Variants in HCFC2 observed in about 807,000 individuals in gnomAD.
HCFC2 encodes host cell factor 2.
A neutral mutation model predicts 89.2 loss-of-function variants in HCFC2; 18 were observed. The observed-to-expected ratio is 0.20, with a 90% confidence interval of 0.14 to 0.30. The LOEUF is 0.30. Ranked by LOEUF, HCFC2 falls within the 10% of genes least tolerant of loss-of-function variation. The pLI is 1.00. For missense variants in HCFC2, 578 were observed against 956.1 expected (o/e 0.60, Z 5.21); for synonymous variants, 308 against 335.7 (o/e 0.92, Z 0.90).
chr12:104,088,899 G>A (rs1042262519), intron 9 of HCFC2, among the ~76,000 whole-genome samples: 4 of 152,138 alleles, frequency 2.6e-5, no homozygotes, highest in African/African-American at 4.8e-5. Context: ...TTATGATGAA[G>A]AGCAGTAGTT....
chr12:104,098,571 T>A (rs1029236893), intron 13 of HCFC2, 91 bp downstream of exon 13: 4 of 1,288,536 alleles, frequency 3.1e-6, no homozygotes, highest in African/African-American at 1.5e-5. Context: ...GAAAAAAAAA[T>A]TAAGAATGAG....
At chr12:104,070,371 G>A (rs1404923461) in intron 3 of HCFC2, among the ~76,000 whole-genome samples, 1 of 152,006 alleles carries the variant, frequency 6.6e-6, no homozygotes, top group East Asian at 1.9e-4. Context: ...TTCTTTTTAA[G>A]CCCGAATAAT....
intron 7 of HCFC2, among the ~76,000 whole-genome samples, chr12:104,083,908 C>T (rs1883756636): frequency 6.6e-6 from 1 of 151,996 alleles, no homozygotes; most frequent in African/African-American, 2.4e-5. Context: ...CCTATAGTCC[C>T]AGCTTCTTGG....
chr12:104,083,000 C>G, intron 7 of HCFC2, 99 bp downstream of exon 7: 1 of 804,330 alleles, frequency 1.2e-6, no homozygotes, highest in Non-Finnish European at 2.0e-6. Flanking sequence ...CTCTTGTTTC[C>G]CATAATTAAG....
rs769926219 is a variant in HCFC2 at position 104,099,230 on chromosome 12, AC to A, written c.1878+751del. 2.4e-4 allele frequency among the ~76,000 whole-genome samples: 37 copies of A among 152,200 alleles called. 1 individual carries two copies. The highest frequency in any genetic ancestry group is 8.5e-4 in the Admixed American group (13 of 15,300). On this transcript the variant is annotated intron_variant, in intron 13 of 14. Transcript: ENST00000229330. The stretch of plus-strand genomic sequence containing the variant: ...AAACAACCAGATCTCATGAGAACTC[AC>A]TATACAATACTAAGGGGGGATGGTG...
At chr12:104,087,857 A>G (rs1883914566) in intron 8 of HCFC2, 129 bp from the exon 9 acceptor site, 1 of 458,878 alleles carries the variant, frequency 2.2e-6, no homozygotes, top group Middle Eastern at 5.8e-4. Flanking sequence ...GCAAACTATT[A>G]AGAAAACATA....
chr12:104,070,936 C>T (rs1029249729), intron 3 of HCFC2, among the ~76,000 whole-genome samples: 2 of 151,764 alleles, frequency 1.3e-5, no homozygotes, highest in Admixed American at 6.6e-5. Context: ...TCCCGAGTAG[C>T]TGGGACTACA....
rs2030081466 is a variant in HCFC2 at position 104,106,203 on chromosome 12, T to C, written c.*2930T>C. On this transcript the variant is annotated 3_prime_UTR_variant, in exon 15 of 15. Transcript: ENST00000229330. ...ATCTATAGGAAGGTGAAATTGTTGA[T>C]CTATTATTTCAAAGACTTGTAGACT... is the stretch of plus-strand genomic sequence containing the variant. 1 of 152,148 alleles carries C rather than the reference T, an allele frequency of 6.6e-6. No homozygotes were observed. Among genetic ancestry groups the C allele is most frequent in the Admixed American group, 6.5e-5 (1 of 15,276 alleles). 9.4% of individuals were successfully genotyped at this position (152,148 alleles called of 1,614,324 possible).
intron 2 of HCFC2, among the ~76,000 whole-genome samples, chr12:104,066,736 A>G (rs1449541292): frequency 6.6e-6 from 1 of 152,230 alleles, no homozygotes; most frequent in Admixed American, 6.5e-5. Context: ...TTTCTGAGTC[A>G]GAGGAAGGCC....
rs767865783 is a variant in HCFC2, at chr12:104,079,441, C to T, written c.474-4C>T. The T allele has an allele frequency of 5.0e-6, 8 of 1,603,860 alleles. No homozygotes were observed. The highest frequency in any genetic ancestry group is 6.8e-6 in the Non-Finnish European group (8 of 1,172,696). ...ATGTTTTAATTTTTTCTATGATATC[C>T]TAGATATTTAAATGATTTTTATGAG... is the stretch of plus-strand genomic sequence containing the variant. On this transcript the variant is annotated splice_polypyrimidine_tract_variant and splice_region_variant and intron_variant, in intron 3 of 14. Coordinates refer to ENST00000229330, the MANE Select transcript of HCFC2 (RefSeq NM_013320.3).
intron 13 of HCFC2, 144 bp from the exon 14 acceptor site, chr12:104,101,824 G>C: frequency 2.1e-6 from 1 of 482,512 alleles, no homozygotes; most frequent in Non-Finnish European, 3.5e-6. Flanking sequence ...CCATGTGAGA[G>C]AGAGGGAGAT....
chr12:104,081,818 T>A (rs1883694093), intron 5 of HCFC2, among the ~76,000 whole-genome samples: 1 of 150,170 alleles, frequency 6.7e-6, no homozygotes, highest in South Asian at 2.1e-4. Flanking sequence ...GGTGGAAGGA[T>A]GGCCTGAGCC....
At chr12:104,069,079 G>A (rs963983146) in intron 3 of HCFC2, among the ~76,000 whole-genome samples, 2 of 152,104 alleles carry the variant, frequency 1.3e-5, no homozygotes, top group Non-Finnish European at 2.9e-5. Context: ...GCCGAGGTGG[G>A]TGGATCGCTT....
Position 104,064,574 on chromosome 12 carries a change from G to A in HCFC2, c.14G>A (p.Ser5Asn). 6.5e-7 allele frequency: 1 copy of A among 1,545,572 alleles called. No individual in the cohort carries two copies. Among genetic ancestry groups the A allele is most frequent in the Non-Finnish European group, 8.7e-7 (1 of 1,148,296 alleles). Residue 5 changes from serine to asparagine, a missense_variant, in exon 1 of 15, where the codon AGC becomes AAC. Transcript: ENST00000229330. This position sits in a 1 kb window ranked among gnomAD's most constrained non-coding sequence, Gnocchi z 7.3. MAAP[S>N]LLNWRRVSSF... is the part of the protein sequence containing the mutation. The stretch of plus-strand genomic sequence containing the variant: ...GGGGTTGGGAAGATGGCGGCTCCCA[G>A]CCTCCTCAACTGGAGGCGAGTTTCT...
intron 7 of HCFC2, among the ~76,000 whole-genome samples, chr12:104,085,995 A>AT (rs774649121): frequency 0.062 from 6,754 of 109,308 alleles, 315 homozygotes; most frequent in South Asian, 0.1. Context: ...TCCTCCCACC[A>AT]TTTTTTTTTT....
chr12:104,076,872 C>T (rs1343031243), intron 3 of HCFC2, among the ~76,000 whole-genome samples: 1 of 152,134 alleles, frequency 6.6e-6, no homozygotes, highest in Non-Finnish European at 1.5e-5. Context: ...TTGTGTTTTC[C>T]ATCCACTCTG....
At chr12:104,075,726 C>T (rs1488654111) in intron 3 of HCFC2, among the ~76,000 whole-genome samples, 1 of 152,320 alleles carries the variant, frequency 6.6e-6, no homozygotes, top group East Asian at 1.9e-4. Context: ...TCCCAAGGTG[C>T]TGGGATTACC....
intron 5 of HCFC2, among the ~76,000 whole-genome samples, chr12:104,081,032 T>A (rs1883667064): frequency 6.6e-6 from 1 of 152,248 alleles, no homozygotes; most frequent in Admixed American, 6.5e-5. Context: ...CTCTTTTACT[T>A]CTTTGCATTC....
rs1024452547 is a variant in HCFC2, at chr12:104,068,981, T to G, written c.473+874T>G. Among the ~76,000 whole-genome samples the G allele has an allele frequency of 6.6e-6, 1 of 152,132 alleles. No homozygotes were observed. Among genetic ancestry groups the G allele is most frequent in the African/African-American group, 2.4e-5 (1 of 41,424 alleles). On this transcript the variant is annotated intron_variant, in intron 3 of 14. Coordinates refer to ENST00000229330, the MANE Select transcript of HCFC2 (RefSeq NM_013320.3). This position sits in a 1 kb window ranked among gnomAD's most constrained non-coding sequence, Gnocchi z 4.1. ...GTAATATATCCGTCATTTCATATAG[T>G]TACCCATTTTTTTCTGCCTGGGGCA...
Sources: gnomAD v4.1 joint callset for allele counts (sites outside exome capture counted in the v4.1 genomes callset) on GRCh38, gnomAD v4.1.1 for gene constraint, Gnocchi (gnomAD v3.1) non-coding constraint, MANE v1.5 for transcripts, NCBI Gene and HGNC (gene_info 2026-07-23, HGNC 2026-07-21) for gene names.